The following UGT1A10 variants were observed in gnomAD, a reference collection of about 807,000 sequenced individuals.
UGT1A10 encodes UDP-glucuronosyltransferase 1A10.
A neutral mutation model predicts 45.8 loss-of-function variants in UGT1A10; 49 were observed. The ratio of observed to expected loss-of-function variants is 1.07; its 90% CI spans 0.85 to 1.36. The LOEUF is 1.36. UGT1A10 is among the 40% of genes most tolerant of loss of function. UGT1A10 has a pLI of 0.00. For synonymous variants in UGT1A10, 284 were observed against 249.7 expected (o/e 1.14, Z -1.29); for missense variants, 745 against 668.6 (o/e 1.11, Z -1.26).
At chr2:233,719,514 G>C (rs1307171724) in intron 1 of UGT1A10, 1 of 1,613,804 alleles carries the variant, frequency 6.2e-7, no homozygotes, top group Non-Finnish European at 8.5e-7. Context: ...TGCCCCTTAT[G>C]CAAGTCTTGC....
At chr2:233,651,541 C>A (rs1485386863) in intron 1 of UGT1A10, among the ~76,000 whole-genome samples, 1 of 152,034 alleles carries the variant, frequency 6.6e-6, no homozygotes, top group African/African-American at 2.4e-5. Context: ...AAGGAAAATT[C>A]TCAAAGAGGA....
rs917335869 is a variant in UGT1A10, at chr2:233,769,898, A to C, written c.1295+1459A>C. 2.9e-6 allele frequency: 1 copy of C among 349,938 alleles called. No individual in the cohort carries two copies. Among genetic ancestry groups the C allele is most frequent in the Non-Finnish European group, 5.1e-6 (1 of 194,280 alleles). The allele number at this position is 349,938 out of a possible 1,614,324, so 21.7% of individuals were successfully genotyped here. Reference sequence around the variant, plus strand: ...AATGAAAAGTCCACATAACCTGAGCATCATGTGCCCAGAGCGTTGGGTGGT... The same window carrying C: ...AATGAAAAGTCCACATAACCTGAGCCTCATGTGCCCAGAGCGTTGGGTGGT... On this transcript the variant is annotated intron_variant, in intron 4 of 4. Transcript: ENST00000344644. The surrounding 1 kb of genome is among the most constrained non-coding windows in gnomAD (Gnocchi z 4.4).
At chr2:233,692,890 A>C in intron 1 of UGT1A10, 1 of 1,522,444 alleles carries the variant, frequency 6.6e-7, no homozygotes, top group South Asian at 1.4e-5. Flanking sequence ...AGAGCAAGGG[A>C]GAGGTAGACA....
chr2:233,733,214 A>G (rs920142608), intron 1 of UGT1A10, among the ~76,000 whole-genome samples: 2 of 152,180 alleles, frequency 1.3e-5, no homozygotes, highest in African/African-American at 4.8e-5. Flanking sequence ...TTGGGCTGAG[A>G]CAATGGGGTT....
chr2:233,734,931 C>T (rs921627257), intron 1 of UGT1A10, among the ~76,000 whole-genome samples: 9 of 152,162 alleles, frequency 5.9e-5, no homozygotes, highest in Non-Finnish European at 8.8e-5. Flanking sequence ...GCTTTACTTA[C>T]AATCATATGG....
chr2:233,726,371 C>T (rs1294856696), intron 1 of UGT1A10, among the ~76,000 whole-genome samples: 5 of 152,074 alleles, frequency 3.3e-5, no homozygotes, highest in Non-Finnish European at 2.9e-5. Context: ...ACAACAAAAA[C>T]CAAAATTGCT....
At chr2:233,710,699 G>A (rs1196566997) in intron 1 of UGT1A10, among the ~76,000 whole-genome samples, 1 of 152,144 alleles carries the variant, frequency 6.6e-6, no homozygotes, top group Non-Finnish European at 1.5e-5. Context: ...CTGGTGTGTG[G>A]TGTCCTTTGT....
Position 233,636,614 on chromosome 2 carries a change from T to C in UGT1A10, c.92T>C (p.Val31Ala), listed in dbSNP as rs779125986. 2.5e-6 allele frequency: 4 copies of C among 1,614,028 alleles called. No homozygotes were observed. The highest frequency in any genetic ancestry group is 3.4e-6 in the Non-Finnish European group (4 of 1,180,034). ...GFAEAGKLLV[V>A]PMDGSHWFTM... ...GCCGAGGCAGGGAAGCTGCTGGTAG[T>C]GCCCATGGATGGGAGTCACTGGTTC... is the stretch of plus-strand genomic sequence containing the variant. Residue 31 changes from valine (V) to alanine (A), a missense_variant, in exon 1 of 5, where the codon GTG becomes GCG. Transcript: ENST00000344644.
chr2:233,667,466 G>T (rs1295383609), intron 1 of UGT1A10, among the ~76,000 whole-genome samples: 2 of 152,146 alleles, frequency 1.3e-5, no homozygotes, highest in Non-Finnish European at 2.9e-5. Context: ...CAGGACATAG[G>T]CATGGGCAAG....
Position 233,772,533 on chromosome 2 carries a change from A to G in UGT1A10, c.1567A>G (p.Lys523Glu). 6.2e-7 allele frequency: 1 copy of G among 1,614,214 alleles called. No homozygotes were observed. Among genetic ancestry groups the G allele is most frequent in the Non-Finnish European group, 8.5e-7 (1 of 1,180,036 alleles). ...KCLGKKGRVK[K>E]AHKSKTH ...CTTGGGGAAAAAAGGGCGAGTTAAG[A>G]AAGCCCACAAATCCAAGACCCATTG... Residue 523 changes from lysine to glutamate, a missense_variant, in exon 5 of 5, where the codon AAA (lysine) becomes GAA (glutamate). Coordinates refer to ENST00000344644, the MANE Select transcript of UGT1A10 (RefSeq NM_019075.4).
At position 233,713,774 on chromosome 2, in the gene UGT1A10, T is replaced by C. The variant is rs17862869; in HGVS notation, c.856-53260T>C. 0.09 allele frequency: 142,447 copies of C among 1,583,730 alleles called. 8,619 individuals carry two copies. The highest frequency in any genetic ancestry group is 0.18 in the South Asian group (15,805 of 87,196). Reference sequence around the variant, plus strand: ...CTGTGTGGCTGTTCCGAGGGGACTTTGTGATGGATTACCCCAGGCCGATCA... The same window carrying C: ...CTGTGTGGCTGTTCCGAGGGGACTTCGTGATGGATTACCCCAGGCCGATCA... On this transcript the variant is annotated intron_variant, in intron 1 of 4. Coordinates refer to ENST00000344644, the MANE Select transcript of UGT1A10 (RefSeq NM_019075.4).
chr2:233,744,112 C>T (rs1010440918), intron 1 of UGT1A10: 4 of 367,842 alleles, frequency 1.1e-5, no homozygotes, highest in African/African-American at 6.4e-5. Context: ...TGGCCCTGCT[C>T]TCTGTGAGGC....
intron 1 of UGT1A10, chr2:233,743,649 C>A (rs754713764): frequency 5.1e-6 from 7 of 1,367,168 alleles, no homozygotes; most frequent in Admixed American, 1.9e-5. Context: ...AAGCTGAAGA[C>A]GTACTCGAAG....
At chr2:233,667,861 T>A (rs2074109637) in intron 1 of UGT1A10, among the ~76,000 whole-genome samples, 1 of 152,166 alleles carries the variant, frequency 6.6e-6, no homozygotes, top group East Asian at 1.9e-4. Context: ...AGAATGGCAA[T>A]CATTAAAAAG....
chr2:233,718,712 A>G (rs2076677466), intron 1 of UGT1A10: 1 of 1,607,000 alleles, frequency 6.2e-7, no homozygotes, highest in South Asian at 1.1e-5. Context: ...TCTTCCAATT[A>G]CATGCTGATT....
intron 1 of UGT1A10, among the ~76,000 whole-genome samples, chr2:233,739,434 A>G (rs369218024): frequency 2.4e-4 from 37 of 152,256 alleles, no homozygotes; most frequent in African/African-American, 8.2e-4. Context: ...CGAGGGCTTT[A>G]CCCTGCAAAG....
intron 1 of UGT1A10, chr2:233,718,927 C>T (rs149779946): frequency 8.1e-5 from 131 of 1,614,002 alleles, no homozygotes; most frequent in Non-Finnish European, 1.0e-4. Context: ...GTGGTGCCCA[C>T]TGATGGCAGC....
chr2:233,652,784 A>T (rs1332132361), intron 1 of UGT1A10, among the ~76,000 whole-genome samples: 1 of 152,210 alleles, frequency 6.6e-6, no homozygotes, highest in Non-Finnish European at 1.5e-5. Flanking sequence ...AAGAATGAAG[A>T]TGCACCCTTA....
intron 1 of UGT1A10, among the ~76,000 whole-genome samples, chr2:233,735,224 A>T (rs953132895): frequency 1.3e-5 from 2 of 152,126 alleles, no homozygotes; most frequent in African/African-American, 4.8e-5. Context: ...TATATTTAGG[A>T]TAGTTAGCTC....
Sources: allele counts gnomAD v4.1 joint callset (sites outside exome capture counted in the v4.1 genomes callset), GRCh38; gene constraint gnomAD v4.1.1; non-coding constraint Gnocchi (gnomAD v3.1); transcripts MANE v1.5; gene names NCBI Gene and HGNC (gene_info 2026-07-23, HGNC 2026-07-21).